Variants in SLC7A2 observed in about 807,000 individuals in gnomAD.
SLC7A2 encodes cationic amino acid transporter 2.
A neutral mutation model predicts 58.9 loss-of-function variants in SLC7A2; 48 were observed. That is an observed-to-expected ratio of 0.82 (90% CI 0.65 to 1.04). The LOEUF (loss-of-function observed/expected upper bound fraction) is 1.04, where lower values mean the gene tolerates loss of function less well. Among genes scored for constraint, SLC7A2 ranks in the 50% least tolerant of loss-of-function variants. The probability of loss-of-function intolerance (pLI) is 0.00; values close to 1 mark genes in which losing one functional copy is unlikely to be tolerated. For missense variants in SLC7A2, 1,029 were observed against 818.8 expected (o/e 1.26, Z -3.13); for synonymous variants, 363 against 314.5 (o/e 1.15, Z -1.63).
At chr8:17,526,877 A>G (rs1801242176) in intron 2 of SLC7A2, among the ~76,000 whole-genome samples, 1 of 152,226 alleles carries the variant, frequency 6.6e-6, no homozygotes, top group African/African-American at 2.4e-5. Flanking sequence ...AACATAATGT[A>G]TTAGGATTTC....
intron 8 of SLC7A2, chr8:17,555,185 A>G: frequency 9.6e-7 from 1 of 1,045,718 alleles, no homozygotes; most frequent in Non-Finnish European, 1.3e-6. Context: ...GTAAGTTAAA[A>G]AAAACAAAAT....
At chr8:17,531,294 A>G (rs1274909998) in intron 2 of SLC7A2, among the ~76,000 whole-genome samples, 2 of 152,218 alleles carry the variant, frequency 1.3e-5, no homozygotes, top group Non-Finnish European at 2.9e-5. Flanking sequence ...ATGGCCGTAT[A>G]TTGTATGTAA....
rs760468609 is a variant in SLC7A2, at chr8:17,551,904, C to T, written c.973C>T (p.Leu325Phe). The T allele has an allele frequency of 3.7e-6, 6 of 1,614,008 alleles. No individual in the cohort carries two copies. Among genetic ancestry groups the T allele is most frequent in the Non-Finnish European group, 5.1e-6 (6 of 1,180,010 alleles). Residue 325 changes from leucine (L) to phenylalanine (F), a missense_variant, in exon 7 of 13, where the codon CTT (leucine) becomes TTT (phenylalanine). Coordinates refer to ENST00000494857, the MANE Select transcript of SLC7A2 (RefSeq NM_001370338.1). ...CTACCTCCTCGATGAAAAAAGCCCC[C>T]TTCCTGTAGCGTTTGAATATGTGGG... ...PYYLLDEKSP[L>F]PVAFEYVGWG...
At chr8:17,528,146 G>A (rs1165989889) in intron 2 of SLC7A2, among the ~76,000 whole-genome samples, 1 of 152,132 alleles carries the variant, frequency 6.6e-6, no homozygotes, top group Non-Finnish European at 1.5e-5. Context: ...AGTGGAGGAG[G>A]AGGAAGCAGA....
intron 8 of SLC7A2, 37 bp from the exon 9 acceptor site, chr8:17,558,258 G>T: frequency 7.5e-7 from 1 of 1,341,992 alleles, no homozygotes. Flanking sequence ...TTTCCTCCTG[G>T]GCCGTTTACT....
chr8:17,558,028 G>A (rs1332941993), intron 8 of SLC7A2, among the ~76,000 whole-genome samples: 4 of 152,050 alleles, frequency 2.6e-5, no homozygotes, highest in Admixed American at 2.6e-4. Flanking sequence ...TTCACTCTTT[G>A]TCAGGCCAAA....
chr8:17,529,008 CA>C (rs547354637), intron 2 of SLC7A2, among the ~76,000 whole-genome samples: 1 of 151,980 alleles, frequency 6.6e-6, no homozygotes, highest in South Asian at 2.1e-4. Flanking sequence ...AGGGTCCCCA[CA>C]AAAAGCATCC....
At chr8:17,499,424 C>T (rs1223627735) in intron 1 of SLC7A2, among the ~76,000 whole-genome samples, 1 of 150,466 alleles carries the variant, frequency 6.6e-6, no homozygotes, top group East Asian at 2.0e-4. Context: ...CTCCCCCCTT[C>T]TCTCTCTGTG....
At chr8:17,498,256 G>C (rs928478974) in intron 1 of SLC7A2, among the ~76,000 whole-genome samples, 1 of 152,184 alleles carries the variant, frequency 6.6e-6, no homozygotes, top group Non-Finnish European at 1.5e-5. Context: ...ATTCAAATAA[G>C]AGCTCTCTGA....
intron 10 of SLC7A2, among the ~76,000 whole-genome samples, chr8:17,561,602 G>T (rs192869861): frequency 1.3e-5 from 2 of 152,074 alleles, no homozygotes; most frequent in Admixed American, 6.5e-5. Flanking sequence ...TTTCCCATTT[G>T]AAAAAAGGGA....
chr8:17,547,785 A>AGTGTGTGTGTGT (rs35052068), intron 4 of SLC7A2, among the ~76,000 whole-genome samples: 4,941 of 144,724 alleles, frequency 0.034, 120 homozygotes, highest in Non-Finnish European at 0.056. Flanking sequence ...GGCACAAAAG[A>AGTGTGTGTGTGT]GTGTGTGTGT....
Position 17,566,640 on chromosome 8 carries a change from A to G in SLC7A2, c.*1494A>G, listed in dbSNP as rs1263212314. On this transcript the variant is annotated 3_prime_UTR_variant, in exon 13 of 13. Coordinates refer to ENST00000494857, the MANE Select transcript of SLC7A2 (RefSeq NM_001370338.1). ...AAGAATCAAATTGAATTAAAGCTAT[A>G]TAAACACAGTTAACCCTTGTAAATG... 1 of 148,686 alleles carries G rather than the reference A, an allele frequency of 6.7e-6. No individual in the cohort carries two copies. The allele number at this position is 148,686 out of a possible 1,614,324, so 9.2% of individuals were successfully genotyped here. A position where few individuals can be genotyped will look rare whatever the true frequency, so the allele number is the denominator to read the frequency against.
rs962423698 is a variant in SLC7A2, at chr8:17,543,594, C to G, written c.255C>G (p.Cys85Trp). 6 of 1,607,274 alleles carry G rather than the reference C, an allele frequency of 3.7e-6. No individual in the cohort carries two copies. Among genetic ancestry groups the G allele is most frequent in the Non-Finnish European group, 4.2e-6 (5 of 1,176,772 alleles). ...TGGCTTCAGTGATGGCTGGCCTCTGCTATGCCGAATTTGGGGCCCGTGTTC... is the reference window on the plus strand; with the variant it reads ...TGGCTTCAGTGATGGCTGGCCTCTGGTATGCCGAATTTGGGGCCCGTGTTC... ...AALASVMAGL[C>W]YAEFGARVPK... The change falls in exon 3 of 13, where the codon TGC (cysteine) becomes TGG (tryptophan). Residue 85 changes from cysteine (C) to tryptophan (W), a missense_variant. By Grantham distance (215) the Cys-to-Trp change is radical. Coordinates refer to ENST00000494857, the MANE Select transcript of SLC7A2 (RefSeq NM_001370338.1).
intron 6 of SLC7A2, among the ~76,000 whole-genome samples, chr8:17,551,164 T>TA (rs1224120088): frequency 1.1e-4 from 16 of 152,202 alleles, no homozygotes; most frequent in Non-Finnish European, 2.4e-4. Flanking sequence ...GCTGCTATGT[T>TA]ACGGGTTTTG....
intron 2 of SLC7A2, among the ~76,000 whole-genome samples, chr8:17,507,147 A>G (rs140483446): frequency 1.3e-5 from 2 of 151,884 alleles, no homozygotes; most frequent in Admixed American, 6.6e-5. Flanking sequence ...GGGTTTTACT[A>G]TGTTGGCCAG....
chr8:17,518,250 A>G (rs1032534387), intron 2 of SLC7A2, among the ~76,000 whole-genome samples: 1 of 151,644 alleles, frequency 6.6e-6, no homozygotes, highest in African/African-American at 2.4e-5. Flanking sequence ...CCAAAAGTAA[A>G]GGAAACAATA....
intron 2 of SLC7A2, among the ~76,000 whole-genome samples, chr8:17,532,405 C>T (rs17632601): frequency 0.035 from 5,360 of 152,108 alleles, 197 homozygotes; most frequent in East Asian, 0.096. Context: ...CCCTGGACTT[C>T]CCTTACCCAC....
chr8:17,543,327 G>A lies in SLC7A2; in HGVS notation c.-13G>A, dbSNP rs199602151. On this transcript the variant is annotated 5_prime_UTR_variant, in exon 3 of 13. Coordinates refer to ENST00000494857, the MANE Select transcript of SLC7A2 (RefSeq NM_001370338.1). ...CCTCCCTTCTGCTCAGGTCGCCTTCGTCAGACGTCAGAATGATTCCTTGCA... is the reference window on the plus strand; with the variant it reads ...CCTCCCTTCTGCTCAGGTCGCCTTCATCAGACGTCAGAATGATTCCTTGCA... 4.2e-5 allele frequency: 68 copies of A among 1,603,078 alleles called. No homozygotes were observed. Among genetic ancestry groups the A allele is most frequent in the Non-Finnish European group, 4.9e-5 (58 of 1,174,788 alleles).
Position 17,532,903 on chromosome 8 carries a change from G to A in SLC7A2, c.-22-10415G>A, listed in dbSNP as rs185693891. On this transcript the variant is annotated intron_variant, in intron 2 of 12. Coordinates refer to ENST00000494857, the MANE Select transcript of SLC7A2 (RefSeq NM_001370338.1). ...AACAACACTCATTTTTTAATCTTTT[G>A]TTACCCCAAAACAAAACTTAAACTA... 6.8e-4 allele frequency among the ~76,000 whole-genome samples: 103 copies of A among 151,670 alleles called. 1 individual carries two copies. Among genetic ancestry groups the A allele is most frequent in the African/African-American group, 2.4e-3 (98 of 41,330 alleles).
Sources: allele counts gnomAD v4.1 joint callset (sites outside exome capture counted in the v4.1 genomes callset), GRCh38; gene constraint gnomAD v4.1.1; transcripts MANE v1.5; gene names NCBI Gene and HGNC (gene_info 2026-07-23, HGNC 2026-07-21).